The following IL1RAPL2 variants were observed in gnomAD, a reference collection of about 807,000 sequenced individuals.
IL1RAPL2 encodes the protein X-linked interleukin-1 receptor accessory protein-like 2.
A neutral mutation model predicts 44.1 loss-of-function variants in IL1RAPL2; 3 were observed. That is an observed-to-expected ratio of 0.07 (90% CI 0.03 to 0.18). The LOEUF is 0.18. Among genes scored for constraint, IL1RAPL2 ranks in the 10% least tolerant of loss-of-function variants. The pLI, the probability that IL1RAPL2 is intolerant of heterozygous loss-of-function variation, is 1.00. For missense variants in IL1RAPL2, 391 were observed against 496.4 expected (o/e 0.79, Z 2.02); for synonymous variants, 181 against 178.8 (o/e 1.01, Z -0.10).
intron 2 of IL1RAPL2, among the ~76,000 whole-genome samples, chrX:104,974,606 A>C (rs1251323451): frequency 2.7e-5 from 3 of 112,266 alleles, no homozygotes; most frequent in Non-Finnish European, 5.6e-5. Context: ...ATCCCATAGC[A>C]TCAAATAAAG....
In IL1RAPL2 at chrX:105,437,673, C is replaced by T. The variant is rs915918636; in HGVS notation, c.698-46640C>T. On this transcript the variant is annotated intron_variant, in intron 5 of 10. Transcript: ENST00000372582. ...CCCATTTAGAAACAGGTGCTAGGAACTCTCAATCTTGGGTTCTATGTACCC... is the reference window on the plus strand; with the variant it reads ...CCCATTTAGAAACAGGTGCTAGGAATTCTCAATCTTGGGTTCTATGTACCC... Among the ~76,000 whole-genome samples the T allele has an allele frequency of 2.7e-5, 3 of 111,223 alleles. No homozygotes were observed. In the South Asian group the frequency reaches 1.1e-3, roughly 42 times the overall value.
intron 2 of IL1RAPL2, among the ~76,000 whole-genome samples, chrX:105,065,734 C>T (rs1303448015): frequency 2.7e-5 from 3 of 112,020 alleles, no homozygotes; most frequent in Non-Finnish European, 5.6e-5. Context: ...TGGGTTCTAA[C>T]TACACTTTGT....
At chrX:105,421,790 A>C (rs764125619) in intron 5 of IL1RAPL2, among the ~76,000 whole-genome samples, 24 of 112,015 alleles carry the variant, frequency 2.1e-4, no homozygotes, top group African/African-American at 7.4e-4. Flanking sequence ...TAAGTTGTCT[A>C]GCTTCAGTTC....
intron 2 of IL1RAPL2, among the ~76,000 whole-genome samples, chrX:104,961,883 T>G (rs1214517507): frequency 8.9e-6 from 1 of 112,404 alleles, no homozygotes; most frequent in East Asian, 2.8e-4. Flanking sequence ...AAGTGCTTAT[T>G]GAATACCTAT....
At chrX:105,666,988 C>A (rs2037776587) in intron 6 of IL1RAPL2, among the ~76,000 whole-genome samples, 1 of 112,020 alleles carries the variant, frequency 8.9e-6, no homozygotes, top group African/African-American at 3.2e-5. Context: ...ATCCTGCATG[C>A]AACTTTGTAT....
intron 2 of IL1RAPL2, among the ~76,000 whole-genome samples, chrX:104,672,805 G>A (rs2147532369): frequency 9.1e-6 from 1 of 110,002 alleles, no homozygotes; most frequent in Non-Finnish European, 1.9e-5. Flanking sequence ...GGTGTGAGAT[G>A]GTATCTCATT....
intron 6 of IL1RAPL2, among the ~76,000 whole-genome samples, chrX:105,542,686 ATATTT>A (rs1451894551): frequency 9.1e-4 from 88 of 96,197 alleles, no homozygotes; most frequent in Non-Finnish European, 1.6e-3. Context: ...TTTATTTTTT[ATATTT>A]TTTATTTATT....
chrX:105,758,303 C>A (rs1484763728), intron 10 of IL1RAPL2, among the ~76,000 whole-genome samples: 1 of 111,899 alleles, frequency 8.9e-6, no homozygotes, highest in Non-Finnish European at 1.9e-5. Flanking sequence ...AATGTCTTCA[C>A]TTTTGATGTA....
intron 2 of IL1RAPL2, among the ~76,000 whole-genome samples, chrX:104,793,317 A>T (rs1389229556): frequency 8.9e-6 from 1 of 112,231 alleles, no homozygotes; most frequent in Non-Finnish European, 1.9e-5. Context: ...AAGAAGAACA[A>T]GGGCAGGGTG....
chrX:105,096,475 T>C (rs909477191), intron 2 of IL1RAPL2, among the ~76,000 whole-genome samples: 21 of 112,574 alleles, frequency 1.9e-4, no homozygotes, highest in Non-Finnish European at 3.6e-4. Flanking sequence ...AGTGTATAAA[T>C]AAAATGTGTT....
At chrX:105,634,559 A>T (rs1396635172) in intron 6 of IL1RAPL2, among the ~76,000 whole-genome samples, 1 of 111,975 alleles carries the variant, frequency 8.9e-6, no homozygotes, top group Non-Finnish European at 1.9e-5. Flanking sequence ...ACAAAAACAT[A>T]TTGAGTCCAT....
intron 2 of IL1RAPL2, among the ~76,000 whole-genome samples, chrX:104,944,664 G>A (rs1050873387): frequency 4.5e-5 from 5 of 111,625 alleles, no homozygotes; most frequent in African/African-American, 1.3e-4. Context: ...AGTGGGAAAC[G>A]CTGGTTTAGG....
chrX:105,472,093 C>G (rs762128168), intron 5 of IL1RAPL2, among the ~76,000 whole-genome samples: 3 of 110,504 alleles, frequency 2.7e-5, no homozygotes, highest in Non-Finnish European at 5.7e-5. Context: ...GTGGTACAGA[C>G]CCTTAGGTGA....
At chrX:104,975,654 TG>T (rs1451877649) in intron 2 of IL1RAPL2, among the ~76,000 whole-genome samples, 1 of 112,496 alleles carries the variant, frequency 8.9e-6, no homozygotes, top group Non-Finnish European at 1.9e-5. Context: ...ACATAGAAAT[TG>T]GCATATAAGC....
chrX:105,702,506 C>T (rs1433504767), intron 6 of IL1RAPL2, among the ~76,000 whole-genome samples: 1 of 111,878 alleles, frequency 8.9e-6, no homozygotes, highest in African/African-American at 3.2e-5. Context: ...GCTCCCCTTG[C>T]AATAAAAATA....
At chrX:104,614,446 T>A in intron 1 of IL1RAPL2, among the ~76,000 whole-genome samples, 1 of 112,112 alleles carries the variant, frequency 8.9e-6, no homozygotes, top group East Asian at 2.8e-4. Flanking sequence ...GCCAAGCATG[T>A]GGTCAATCTT....
chrX:105,188,741 A>G (rs996151639), intron 2 of IL1RAPL2, among the ~76,000 whole-genome samples: 4 of 112,452 alleles, frequency 3.6e-5, no homozygotes, highest in Non-Finnish European at 5.6e-5. Flanking sequence ...CTGGAAAGGT[A>G]TTTTTAAAAA....
At chrX:105,663,424 G>A (rs1485278268) in intron 6 of IL1RAPL2, among the ~76,000 whole-genome samples, 3 of 111,811 alleles carry the variant, frequency 2.7e-5, no homozygotes, top group Non-Finnish European at 5.6e-5. Flanking sequence ...TAAATATGCA[G>A]TATCAAACTA....
intron 2 of IL1RAPL2, among the ~76,000 whole-genome samples, chrX:104,844,945 A>G (rs1345064625): frequency 8.9e-6 from 1 of 112,039 alleles, no homozygotes; most frequent in Non-Finnish European, 1.9e-5. Context: ...TTGTAAAAAA[A>G]TAGGAAGTTG....
Sources: allele counts gnomAD v4.1 joint callset (sites outside exome capture counted in the v4.1 genomes callset), GRCh38; gene constraint gnomAD v4.1.1; transcripts MANE v1.5; gene names NCBI Gene and HGNC (gene_info 2026-07-23, HGNC 2026-07-21).